MAP2: variants seen among roughly 807,000 people sequenced by gnomAD.
The protein encoded by MAP2 is microtubule-associated protein 2.
Under a neutral mutation model 137.6 loss-of-function variants are expected in MAP2, and 14 were observed. The ratio of observed to expected loss-of-function variants is 0.10; its 90% CI spans 0.07 to 0.16. The LOEUF is 0.16. Among genes scored for constraint, MAP2 ranks in the 10% least tolerant of loss-of-function variants. The pLI, the probability that MAP2 is intolerant of heterozygous loss-of-function variation, is 1.00. For synonymous variants in MAP2, 786 were observed against 782.3 expected, an observed-to-expected ratio of 1.00 and a Z score of -0.08; for missense variants, 2,088 against 2,191.5, an observed-to-expected ratio of 0.95 and a Z score of 0.94.
intron 1 of MAP2, among the ~76,000 whole-genome samples, chr2:209,427,339 C>G (rs1249767540): frequency 6.7e-6 from 1 of 149,604 alleles, no homozygotes; most frequent in Non-Finnish European, 1.5e-5. Context: ...AGTTTTGAAA[C>G]AATCTCAAAT....
At chr2:209,458,070 G>T (rs988353596) in intron 1 of MAP2, among the ~76,000 whole-genome samples, 4 of 152,084 alleles carry the variant, frequency 2.6e-5, no homozygotes, top group African/African-American at 9.7e-5. Flanking sequence ...ATACAAATAA[G>T]TAGGTAATTT....
In MAP2 at chr2:209,658,204, T is replaced by C. The variant is rs955542178; in HGVS notation, c.262+4772T>C. Among the ~76,000 whole-genome samples the C allele has an allele frequency of 2.0e-5, 3 of 152,160 alleles. 1 individual carries two copies. The highest frequency in any genetic ancestry group is 7.2e-5 in the African/African-American group (3 of 41,434). ...TTGAGTGGAAAATTATTTTAGAAAA[T>C]GGAAAGTGACCTTTCAAATTTTAAG... On this transcript the variant is annotated intron_variant, in intron 5 of 15. Transcript: ENST00000682079.
At chr2:209,701,036 T>A (rs1426345920) in intron 11 of MAP2, among the ~76,000 whole-genome samples, 2 of 152,112 alleles carry the variant, frequency 1.3e-5, no homozygotes, top group Non-Finnish European at 2.9e-5. Context: ...ACAATATTAC[T>A]GTAGAGAACT....
chr2:209,646,479 A>G (rs972256698), intron 4 of MAP2, among the ~76,000 whole-genome samples: 1 of 152,212 alleles, frequency 6.6e-6, no homozygotes, highest in Non-Finnish European at 1.5e-5. Flanking sequence ...GAACATTACA[A>G]TCTTAGGCCT....
chr2:209,519,860 CT>C (rs1181849445), intron 2 of MAP2, among the ~76,000 whole-genome samples: 1 of 151,954 alleles, frequency 6.6e-6, no homozygotes, highest in Non-Finnish European at 1.5e-5. Context: ...ATCACTACTC[CT>C]TCACACTCAT....
chr2:209,442,425 A>G (rs889708755), intron 1 of MAP2, among the ~76,000 whole-genome samples: 2 of 151,598 alleles, frequency 1.3e-5, no homozygotes, highest in Admixed American at 6.6e-5. Flanking sequence ...GTAGTGTCCA[A>G]ATGACTAAAG....
At position 209,694,608 on chromosome 2, in the gene MAP2, C is replaced by T; in HGVS notation, c.2438C>T (p.Ala813Val). 2 of 1,613,984 alleles carry T rather than the reference C, an allele frequency of 1.2e-6. No individual in the cohort carries two copies. Among genetic ancestry groups the T allele is most frequent in the East Asian group, 2.2e-5 (1 of 44,870 alleles). The part of the protein sequence containing the change: ...APDLPEMLDL[A>V]GTRSRLASVS... ...GACCTTCCTGAAATGCTAGATCTGG[C>T]AGGCACAAGGTCAAGATTGGCTTCT... Residue 813 changes from alanine (A) to valine (V), a missense_variant, in exon 8 of 16, where the codon GCA (alanine) becomes GTA (valine). Ala to Val is a moderately conservative substitution (Grantham distance 64). Around this residue, in one of 6 missense-constraint regions of MAP2, gnomAD observed 500 missense variants for 482.9 expected, o/e 1.04. Transcript: ENST00000682079.
intron 9 of MAP2, 30 bp from the exon 10 acceptor site, chr2:209,696,887 G>C: frequency 6.3e-7 from 1 of 1,580,118 alleles, no homozygotes; most frequent in Non-Finnish European, 8.6e-7. Flanking sequence ...TTTTCCTGAT[G>C]GTATGCTTTT....
At chr2:209,649,790 A>T (rs1302215764) in intron 4 of MAP2, among the ~76,000 whole-genome samples, 4 of 152,198 alleles carry the variant, frequency 2.6e-5, no homozygotes, top group Non-Finnish European at 5.9e-5. Context: ...GAATAGTCTT[A>T]CCAGGAAGTT....
chr2:209,563,990 A>G (rs1457200935), intron 2 of MAP2, among the ~76,000 whole-genome samples: 2 of 152,192 alleles, frequency 1.3e-5, no homozygotes, highest in Admixed American at 6.5e-5. Flanking sequence ...TATAAATACC[A>G]TCTTGGAATC....
At chr2:209,580,879 A>T (rs979422564) in intron 3 of MAP2, among the ~76,000 whole-genome samples, 27 of 152,228 alleles carry the variant, frequency 1.8e-4, no homozygotes, top group Non-Finnish European at 3.1e-4. Flanking sequence ...ACCTGTTAAT[A>T]TCAATAAAAC....
chr2:209,730,350 A>G lies in MAP2; in HGVS notation c.5437A>G (p.Thr1813Ala), dbSNP rs375692292. The change falls in exon 16 of 16, where the codon ACT becomes GCT. Residue 1813 changes from threonine (T) to alanine (A), a missense_variant. This residue lies in a region of MAP2 where 112 missense variants were observed against 201.0 expected (regional missense o/e 0.56). Coordinates refer to ENST00000682079, the MANE Select transcript of MAP2 (RefSeq NM_001375505.1). ...CCTGCTCGAATCTCCTCAGCTTGCC[A>G]CTTTGGCTGAGGATGTCACTGCTGC... ...INLLESPQLA[T>A]LAEDVTAALA... The G allele has an allele frequency of 6.2e-7, 1 of 1,613,972 alleles. No individual in the cohort carries two copies. The highest frequency in any genetic ancestry group is 1.3e-5 in the African/African-American group (1 of 74,936).
At chr2:209,623,656 T>C (rs1337879732) in intron 3 of MAP2, among the ~76,000 whole-genome samples, 4 of 152,148 alleles carry the variant, frequency 2.6e-5, no homozygotes, top group Admixed American at 2.6e-4. Flanking sequence ...ATCAAAATTG[T>C]CCTTAAAAAT....
intron 11 of MAP2, among the ~76,000 whole-genome samples, chr2:209,702,851 C>T (rs2062169676): frequency 6.6e-6 from 1 of 151,996 alleles, no homozygotes; most frequent in South Asian, 2.1e-4. Flanking sequence ...CCTGTTGTAG[C>T]CACAGAGGTT....
At chr2:209,704,005 T>A in intron 11 of MAP2, 1 of 455,946 alleles carries the variant, frequency 2.2e-6, no homozygotes, top group Non-Finnish European at 4.4e-6. Context: ...TGTGCAGGCT[T>A]GTTACAAGGG....
chr2:209,604,735 T>C (rs1383450653), intron 3 of MAP2, among the ~76,000 whole-genome samples: 1 of 152,176 alleles, frequency 6.6e-6, no homozygotes, highest in African/African-American at 2.4e-5. Context: ...CTTTTATTGC[T>C]TAAGCAAGAA....
intron 5 of MAP2, among the ~76,000 whole-genome samples, chr2:209,655,448 T>A (rs995822106): frequency 2.0e-5 from 3 of 152,172 alleles, no homozygotes; most frequent in African/African-American, 7.2e-5. Context: ...AAAAGGAAAA[T>A]GTAAAATAAT....
At chr2:209,424,565 A>C (rs1222379015) in intron 1 of MAP2, among the ~76,000 whole-genome samples, 1 of 152,100 alleles carries the variant, frequency 6.6e-6, no homozygotes, top group Non-Finnish European at 1.5e-5. Context: ...ACAACTGAAA[A>C]CTTACGCCAG....
intron 10 of MAP2, among the ~76,000 whole-genome samples, chr2:209,698,862 A>G (rs2060977507): frequency 6.6e-6 from 1 of 152,194 alleles, no homozygotes; most frequent in Non-Finnish European, 1.5e-5. Context: ...ATTTAGCATA[A>G]AAACTCTATA....
Sources: gnomAD v4.1 joint callset for allele counts (sites outside exome capture counted in the v4.1 genomes callset) on GRCh38, gnomAD v4.1.1 for gene constraint, gnomAD v4.1.1 regional missense constraint, MANE v1.5 for transcripts, NCBI Gene and HGNC (gene_info 2026-07-23, HGNC 2026-07-21) for gene names.